The following PHKG1 variants were observed in gnomAD, a reference collection of about 807,000 sequenced individuals.
PHKG1 encodes the protein phosphorylase b kinase gamma catalytic chain, skeletal muscle/heart isoform.
A neutral mutation model predicts 50.5 loss-of-function variants in PHKG1; 48 were observed. The ratio of observed to expected loss-of-function variants is 0.95; its 90% CI spans 0.75 to 1.21. The LOEUF is 1.21. Ranked by LOEUF, PHKG1 falls within the 50% of genes most tolerant of loss-of-function variation. PHKG1 has a pLI of 0.00. For missense variants in PHKG1, 487 were observed against 519.5 expected (o/e 0.94, Z 0.61); for synonymous variants, 204 against 212.8 (o/e 0.96, Z 0.36).
chr7:56,088,166 C>G (rs1796349667), intron 2 of PHKG1, among the ~76,000 whole-genome samples: 1 of 151,436 alleles, frequency 6.6e-6, no homozygotes. Context: ...TCCTGAGTAG[C>G]TGGGACTACA....
Position 56,082,223 on chromosome 7 carries a change from G to A in PHKG1, c.578C>T (p.Pro193Leu). 1 of 1,613,758 alleles carries A rather than the reference G, an allele frequency of 6.2e-7. No homozygotes were observed. Among genetic ancestry groups the A allele is most frequent in the Non-Finnish European group, 8.5e-7 (1 of 1,179,972 alleles). ...ATTCATGGAGCACTCGATAATCTCA[G>A]GGGCCAGGTAACTGGGGGTCCCGCA... Reference protein sequence around the residue: ...EVCGTPSYLAPEIIECSMNED... With the variant: ...EVCGTPSYLALEIIECSMNED... The change falls in exon 7 of 10, where the codon CCT (proline) becomes CTT (leucine). Residue 193 changes from proline (P) to leucine (L), a missense_variant. Transcript: ENST00000297373.
chr7:56,090,106 T>A (rs1321779711), intron 1 of PHKG1, among the ~76,000 whole-genome samples: 1 of 151,992 alleles, frequency 6.6e-6, no homozygotes, highest in Non-Finnish European at 1.5e-5. Flanking sequence ...TTTTTGTTTG[T>A]TTGTTTTTGT....
At position 56,081,889 on chromosome 7, in the gene PHKG1, T is replaced by C; in HGVS notation, c.792+4A>G. On this transcript the variant is annotated splice_donor_region_variant and intron_variant, in intron 8 of 9. Coordinates refer to ENST00000297373, the MANE Select transcript of PHKG1 (RefSeq NM_006213.5). This position sits in a 1 kb window ranked among gnomAD's most constrained non-coding sequence, Gnocchi z 4.6. Reference sequence around the variant, plus strand: ...CCCAGGAGCCAGTTGGCCTGGCCTCTCACCAGGTCCTTCACGGTGTCCGAG... The same window carrying C: ...CCCAGGAGCCAGTTGGCCTGGCCTCCCACCAGGTCCTTCACGGTGTCCGAG... 1 of 1,613,242 alleles carries C rather than the reference T, an allele frequency of 6.2e-7. No homozygotes were observed. The highest frequency in any genetic ancestry group is 8.5e-7 in the Non-Finnish European group (1 of 1,179,822).
At chr7:56,090,850 C>G (rs575166410) in intron 1 of PHKG1, among the ~76,000 whole-genome samples, 1 of 152,126 alleles carries the variant, frequency 6.6e-6, no homozygotes, top group African/African-American at 2.4e-5. Flanking sequence ...TACACAGAGG[C>G]GCTGAGCTAC....
intron 4 of PHKG1, chr7:56,084,246 T>G: frequency 6.6e-7 from 1 of 1,507,312 alleles, no homozygotes; most frequent in Non-Finnish European, 8.9e-7. Context: ...TCTTCCCATC[T>G]GTGGAAGTGA....
At chr7:56,086,709 C>T (rs1405567716) in intron 4 of PHKG1, among the ~76,000 whole-genome samples, 1 of 152,086 alleles carries the variant, frequency 6.6e-6, no homozygotes, top group Non-Finnish European at 1.5e-5. Flanking sequence ...TCACACTATG[C>T]CAGTCACTGT....
At position 56,081,181 on chromosome 7, in the gene PHKG1, A is replaced by C. The variant is rs1446764109; in HGVS notation, c.1037T>G (p.Leu346Arg). The C allele has an allele frequency of 4.3e-6, 7 of 1,613,240 alleles. No individual in the cohort carries two copies. The highest frequency in any genetic ancestry group is 5.9e-6 in the Non-Finnish European group (7 of 1,179,878). The change falls in exon 10 of 10, where the codon CTC becomes CGC. Residue 346 changes from leucine (L) to arginine (R), a missense_variant. Physicochemically the swap from Leu to Arg is moderately radical, Grantham distance 102. Transcript: ENST00000297373. The surrounding 1 kb of genome is among the most constrained non-coding windows in gnomAD (Gnocchi z 4.6). ...GATTCGGAAAGCGTAGGCGTCGATG[A>C]GCCGGCGCAGAGGCCGGAGGGCATA... ...DPYALRPLRR[L>R]IDAYAFRIYG... is the part of the protein sequence containing the mutation.
At chr7:56,087,292 A>G (rs1054653359) in intron 3 of PHKG1, among the ~76,000 whole-genome samples, 7 of 151,262 alleles carry the variant, frequency 4.6e-5, no homozygotes, top group Admixed American at 2.0e-4. Flanking sequence ...TGCAATCATA[A>G]CTCACTGCAG....
At position 56,081,833 on chromosome 7, in the gene PHKG1, G is replaced by A. The variant is rs921426676; in HGVS notation, c.792+60C>T. On this transcript the variant is annotated intron_variant, in intron 8 of 9. Coordinates refer to ENST00000297373, the MANE Select transcript of PHKG1 (RefSeq NM_006213.5). The surrounding 1 kb of genome is among the most constrained non-coding windows in gnomAD (Gnocchi z 4.6). ...ATGTCAGGAAAGGCAGGGCCTCCCCGGGCAGGGGCGCCTGGCATCGCAGCC... is the reference window on the plus strand; with the variant it reads ...ATGTCAGGAAAGGCAGGGCCTCCCCAGGCAGGGGCGCCTGGCATCGCAGCC... 3.3e-5 allele frequency: 53 copies of A among 1,608,678 alleles called. No homozygotes were observed. The highest frequency in any genetic ancestry group is 2.2e-4 in the Admixed American group (13 of 59,564).
intron 3 of PHKG1, 44 bp downstream of exon 3, chr7:56,087,554 T>A (rs757669683): frequency 1.9e-5 from 30 of 1,586,332 alleles, no homozygotes; most frequent in Non-Finnish European, 2.6e-5. Context: ...CAGGGCAGAA[T>A]CACAGGGGGG....
intron 1 of PHKG1, among the ~76,000 whole-genome samples, chr7:56,089,675 C>A (rs1263292542): frequency 6.6e-6 from 1 of 152,038 alleles, no homozygotes; most frequent in African/African-American, 2.4e-5. Flanking sequence ...AAGCACCTAC[C>A]ACCACGCCTG....
chr7:56,083,964 T>G (rs370395407), intron 4 of PHKG1, among the ~76,000 whole-genome samples: 2 of 152,114 alleles, frequency 1.3e-5, no homozygotes, highest in East Asian at 3.9e-4. Context: ...CTCCGAGGAA[T>G]AGGCCTAGGT....
At chr7:56,089,145 C>A (rs918672206) in intron 1 of PHKG1, among the ~76,000 whole-genome samples, 170 bp from the exon 2 acceptor site, 1 of 152,036 alleles carries the variant, frequency 6.6e-6, no homozygotes. Context: ...TGGCTCACAC[C>A]TATAATCCCA....
Position 56,087,607 on chromosome 7 carries a change from G to A in PHKG1, c.253C>T (p.Pro85Ser), listed in dbSNP as rs764465673. 1 of 1,613,126 alleles carries A rather than the reference G, an allele frequency of 6.2e-7. No homozygotes were observed. The highest frequency in any genetic ancestry group is 2.2e-5 in the East Asian group (1 of 44,860). Residue 85 changes from proline (P) to serine (S), a missense_variant, in exon 3 of 10, where the codon CCC (proline) becomes TCC (serine). By Grantham distance (74) the Pro-to-Ser change is moderately conservative. Coordinates refer to ENST00000297373, the MANE Select transcript of PHKG1 (RefSeq NM_006213.5). ...TGGGGCCATCACTCACTGATGTTGG[G>A]GTGCCCTGAGACCTTGCGCAGGATG... Reference protein sequence around the residue: ...VDILRKVSGHPNIIQLKDTYE... With the variant: ...VDILRKVSGHSNIIQLKDTYE...
At chr7:56,083,766 C>T in intron 4 of PHKG1, 51 bp from the exon 5 acceptor site, 3 of 1,258,514 alleles carry the variant, frequency 2.4e-6, no homozygotes, top group African/African-American at 1.5e-5. Context: ...CCACCACTGC[C>T]CTTACCCTGC....
At chr7:56,083,802 A>T in intron 4 of PHKG1, 87 bp from the exon 5 acceptor site, 2 of 878,042 alleles carry the variant, frequency 2.3e-6, no homozygotes, top group East Asian at 5.3e-5. Context: ...TTCCACCCTG[A>T]TACCTCTAGA....
chr7:56,086,835 G>C, intron 4 of PHKG1, 135 bp downstream of exon 4: 1 of 767,042 alleles, frequency 1.3e-6, no homozygotes, highest in Non-Finnish European at 2.4e-6. Flanking sequence ...GGGCTGATCT[G>C]TCTAAACACC....
At position 56,081,445 on chromosome 7, in the gene PHKG1, G is replaced by T; in HGVS notation, c.919-146C>A. ...CCTAGTGTCCCCCACTTCCCACTTGGCCAGCATCCTCAGGGACCGAGCCAG... is the reference window on the plus strand; with the variant it reads ...CCTAGTGTCCCCCACTTCCCACTTGTCCAGCATCCTCAGGGACCGAGCCAG... On this transcript the variant is annotated intron_variant, in intron 9 of 9. Transcript: ENST00000297373. The surrounding 1 kb of genome is among the most constrained non-coding windows in gnomAD (Gnocchi z 4.6). The T allele has an allele frequency of 7.7e-7, 1 of 1,290,518 alleles. No individual in the cohort carries two copies. The highest frequency in any genetic ancestry group is 1.1e-6 in the Non-Finnish European group (1 of 946,042). 79.9% of individuals were successfully genotyped at this position (1,290,518 alleles called of 1,614,324 possible).
intron 4 of PHKG1, 86 bp from the exon 5 acceptor site, chr7:56,083,801 G>A: frequency 2.3e-6 from 2 of 877,606 alleles, no homozygotes; most frequent in Non-Finnish European, 3.8e-6. Context: ...CTTCCACCCT[G>A]ATACCTCTAG....
Sources: allele counts gnomAD v4.1 joint callset (sites outside exome capture counted in the v4.1 genomes callset), GRCh38; gene constraint gnomAD v4.1.1; non-coding constraint Gnocchi (gnomAD v3.1); transcripts MANE v1.5; gene names NCBI Gene and HGNC (gene_info 2026-07-23, HGNC 2026-07-21).